DOCK9: variants seen among roughly 807,000 people sequenced by gnomAD.
DOCK9 encodes dedicator of cytokinesis 9, also known as dedicator of cytokinesis protein 9.
Under a neutral mutation model 263.3 loss-of-function variants are expected in DOCK9, and 89 were observed. That is an observed-to-expected ratio of 0.34 (90% confidence interval 0.28 to 0.40). The LOEUF is 0.40. Ranked by LOEUF, DOCK9 falls within the 10% of genes least tolerant of loss-of-function variation. DOCK9 has a pLI of 1.00. For synonymous variants in DOCK9, 976 were observed against 973.1 expected (o/e 1.00, Z -0.06); for missense variants, 2,140 against 2,603.4 (o/e 0.82, Z 3.87).
At chr13:99,062,444 G>A (rs977691590) in intron 1 of DOCK9, among the ~76,000 whole-genome samples, 1 of 152,150 alleles carries the variant, frequency 6.6e-6, no homozygotes, top group African/African-American at 2.4e-5. Context: ...TCTCTGGTCT[G>A]ACAAGTTTTT....
chr13:98,826,089 T>C (rs2092523834), intron 44 of DOCK9: 2 of 512,808 alleles, frequency 3.9e-6, no homozygotes, highest in Admixed American at 8.5e-5. Flanking sequence ...ATATACAGTC[T>C]GTGGCCTCGG....
At chr13:98,830,070 A>G (rs2140922169) in intron 41 of DOCK9, among the ~76,000 whole-genome samples, 1 of 152,346 alleles carries the variant, frequency 6.6e-6, no homozygotes, top group African/African-American at 2.4e-5. Context: ...TACCTTCTCT[A>G]ACCAAGAGGG....
At chr13:99,008,351 A>C (rs1401832962) in intron 1 of DOCK9, among the ~76,000 whole-genome samples, 1 of 150,974 alleles carries the variant, frequency 6.6e-6, no homozygotes, top group Non-Finnish European at 1.5e-5. Context: ...CTCCTGCCTC[A>C]GCCTCCCGAG....
chr13:99,086,537 T>A, exon 1 of DOCK9: 1 of 216,734 alleles, frequency 4.6e-6, no homozygotes, highest in Non-Finnish European at 7.7e-6. Flanking sequence ...CTGCACCGTG[T>A]CACGCCCCAA....
chr13:98,796,547 C>T (rs1048111685), intron 52 of DOCK9, among the ~76,000 whole-genome samples: 1 of 152,172 alleles, frequency 6.6e-6, no homozygotes, highest in Non-Finnish European at 1.5e-5. Flanking sequence ...ACATAGAATC[C>T]TACTGAAGAA....
chr13:98,797,585 C>T (rs1304320544), intron 50 of DOCK9, 96 bp from the exon 51 acceptor site: 11 of 1,046,002 alleles, frequency 1.1e-5, no homozygotes, highest in African/African-American at 4.8e-5. Context: ...AGCCCGTTCG[C>T]GTGAGCTACT....
intron 1 of DOCK9, among the ~76,000 whole-genome samples, chr13:99,048,592 T>C (rs1319725040): frequency 3.3e-5 from 5 of 152,216 alleles, no homozygotes; most frequent in Non-Finnish European, 5.9e-5. Context: ...TTCCAGTGTT[T>C]GCTCTCCTCC....
At chr13:98,937,795 C>T (rs536651982) in intron 2 of DOCK9, among the ~76,000 whole-genome samples, 3 of 151,550 alleles carry the variant, frequency 2.0e-5, no homozygotes, top group Non-Finnish European at 4.4e-5. Context: ...ACAACTGTCT[C>T]CAAGTCTAGT....
chr13:98,880,832 T>C (rs753781582), intron 25 of DOCK9, among the ~76,000 whole-genome samples, 160 bp from the exon 26 acceptor site: 1 of 151,980 alleles, frequency 6.6e-6, no homozygotes, highest in Non-Finnish European at 1.5e-5. Context: ...TGTCATGTGA[T>C]AAAAAGGAGT....
chr13:98,999,505 T>G (rs1330920795), intron 1 of DOCK9, among the ~76,000 whole-genome samples: 1 of 152,194 alleles, frequency 6.6e-6, no homozygotes, highest in Non-Finnish European at 1.5e-5. Context: ...ATTCTCCAGT[T>G]GCCTGATTTG....
chr13:98,915,649 C>CA, intron 7 of DOCK9, 146 bp from the exon 8 acceptor site: 1 of 671,536 alleles, frequency 1.5e-6, no homozygotes, highest in South Asian at 2.3e-5. Flanking sequence ...CATGAAAGCC[C>CA]CCCCCCATGA....
intron 3 of DOCK9, 83 bp downstream of exon 3, chr13:98,930,085 T>C (rs2053659913): frequency 4.7e-6 from 6 of 1,267,220 alleles, no homozygotes; most frequent in Admixed American, 2.0e-5. Flanking sequence ...GACACTTCCT[T>C]GACAATTTTG....
intron 1 of DOCK9, among the ~76,000 whole-genome samples, chr13:98,983,845 G>A (rs1690335985): frequency 6.6e-6 from 1 of 152,068 alleles, no homozygotes; most frequent in Non-Finnish European, 1.5e-5. Context: ...TCGAACTCCT[G>A]ACCTCAGGTG....
chr13:99,041,342 T>C (rs943967982), intron 1 of DOCK9, among the ~76,000 whole-genome samples: 3 of 152,002 alleles, frequency 2.0e-5, no homozygotes, highest in African/African-American at 7.2e-5. Context: ...AAAATAGCCA[T>C]ATGTGATGGC....
At chr13:98,923,967 A>G (rs1297799451) in intron 4 of DOCK9, among the ~76,000 whole-genome samples, 3 of 152,194 alleles carry the variant, frequency 2.0e-5, no homozygotes, top group Non-Finnish European at 4.4e-5. Context: ...CACCACTGTT[A>G]CAATTCTCCC....
chr13:98,836,402 T>G (rs966128629), intron 39 of DOCK9, among the ~76,000 whole-genome samples: 12 of 152,338 alleles, frequency 7.9e-5, no homozygotes, highest in Middle Eastern at 3.4e-3. Context: ...CTCCGAAGCT[T>G]CTTTCATGTT....
intron 45 of DOCK9, among the ~76,000 whole-genome samples, chr13:98,815,454 G>C (rs1253296126): frequency 6.6e-6 from 1 of 152,074 alleles, no homozygotes; most frequent in Admixed American, 6.6e-5. Context: ...TTTTCAAAGA[G>C]AAATGTAAAA....
At chr13:98,986,303 G>T (rs907528650) in intron 1 of DOCK9, among the ~76,000 whole-genome samples, 1 of 152,238 alleles carries the variant, frequency 6.6e-6, no homozygotes, top group Non-Finnish European at 1.5e-5. Flanking sequence ...GATGGACCAA[G>T]CTGGCAGGAG....
In DOCK9 at chr13:98,868,223, G is replaced by T; in HGVS notation, c.3090+8C>A. ...ATAACTGATATCCTCTTCCCTGGAG[G>T]TCCCCACCTTGATGAAGACAGCAAG... On this transcript the variant is annotated splice_region_variant and intron_variant, in intron 28 of 52. Transcript: ENST00000682017. 6.2e-7 allele frequency: 1 copy of T among 1,613,584 alleles called. No individual in the cohort carries two copies. Among genetic ancestry groups the T allele is most frequent in the Middle Eastern group, 1.7e-4 (1 of 6,058 alleles).
Sources: gnomAD v4.1 joint callset for allele counts (sites outside exome capture counted in the v4.1 genomes callset) on GRCh38, gnomAD v4.1.1 for gene constraint, MANE v1.5 for transcripts, NCBI Gene and HGNC (gene_info 2026-07-23, HGNC 2026-07-21) for gene names.